HSPB8: variants seen among roughly 807,000 people sequenced by gnomAD.
HSPB8 encodes heat shock protein family B (small) member 8, also known as heat shock protein beta-8.
HSPB8 carries 9 observed loss-of-function variants against 16.5 expected under a neutral mutation model. The ratio of observed to expected loss-of-function variants is 0.55; its 90% CI spans 0.33 to 0.95. The LOEUF (loss-of-function observed/expected upper bound fraction) is 0.95, where lower values mean the gene tolerates loss of function less well. HSPB8 is among the 40% of genes least tolerant of loss of function. HSPB8 has a pLI of 0.03. For missense variants in HSPB8, 238 were observed against 251.2 expected, an observed-to-expected ratio of 0.95 and a Z score of 0.35; for synonymous variants, 99 against 94.8, an observed-to-expected ratio of 1.04 and a Z score of -0.26.
intron 2 of HSPB8, among the ~76,000 whole-genome samples, chr12:119,190,550 A>G (rs1388926456): frequency 6.6e-6 from 1 of 152,190 alleles, no homozygotes; most frequent in Non-Finnish European, 1.5e-5. Context: ...GGTTAGGGGA[A>G]ACCAAATTAC....
At chr12:119,186,937 C>T (rs1954679819) in intron 1 of HSPB8, 88 bp from the exon 2 acceptor site, 1 of 1,257,460 alleles carries the variant, frequency 8.0e-7, no homozygotes, top group East Asian at 2.3e-5. Flanking sequence ...CAAGGCAGGT[C>T]CAGGGCCAGG....
Position 119,193,901 on chromosome 12 carries a change from G to A in HSPB8, c.*43G>A, listed in dbSNP as rs376718066. The stretch of plus-strand genomic sequence containing the variant: ...ATCCTTGTTTTGTCCCCAACCCTAG[G>A]GCTTCTCTGATTCCAGGATACATTA... On this transcript the variant is annotated 3_prime_UTR_variant, in exon 3 of 3. Transcript: ENST00000281938. 5 of 1,601,570 alleles carry A rather than the reference G, an allele frequency of 3.1e-6. No homozygotes were observed. Among genetic ancestry groups the A allele is most frequent in the Admixed American group, 3.3e-5 (2 of 59,998 alleles).
In HSPB8 at chr12:119,179,554, T is replaced by C. The variant is rs1466796046; in HGVS notation, c.242T>C (p.Val81Ala). 6.2e-7 allele frequency: 1 copy of C among 1,613,222 alleles called. No individual in the cohort carries two copies. The highest frequency in any genetic ancestry group is 1.3e-5 in the African/African-American group (1 of 74,838). Residue 81 changes from valine (V) to alanine (A), a missense_variant, in exon 1 of 3, where the codon GTG (valine) becomes GCG (alanine). Transcript: ENST00000281938. ...CCCACTGCCACCGCCAGGTTTGGGGTGCCTGCCGAGGGCAGGACCCCCCCA... is the reference window on the plus strand; with the variant it reads ...CCCACTGCCACCGCCAGGTTTGGGGCGCCTGCCGAGGGCAGGACCCCCCCA... ...RGPTATARFG[V>A]PAEGRTPPPF...
In HSPB8 at chr12:119,179,120, T is replaced by C. The variant is rs11549401; in HGVS notation, c.-193T>C. 8.1e-3 allele frequency: 5,388 copies of C among 665,660 alleles called. 219 individuals carry two copies. In the African/African-American group the frequency reaches 0.085, roughly 11 times the overall value. 41.2% of individuals were successfully genotyped at this position (665,660 alleles called of 1,614,324 possible). A position where few individuals can be genotyped will look rare whatever the true frequency, so the allele number is the denominator to read the frequency against. On this transcript the variant is annotated 5_prime_UTR_variant, in exon 1 of 3. Coordinates refer to ENST00000281938, the MANE Select transcript of HSPB8 (RefSeq NM_014365.3). The stretch of plus-strand genomic sequence containing the variant: ...GCTGGATCTGCCCCGGGGGTTACCT[T>C]TGGGGGCTGGGACCCCAGTCGAGGG...
At chr12:119,189,302 G>GT (rs1555223133) in intron 2 of HSPB8, among the ~76,000 whole-genome samples, 1 of 143,304 alleles carries the variant, frequency 7.0e-6, no homozygotes, top group African/African-American at 2.6e-5. Context: ...TCTTAAAAGG[G>GT]GTGTGTGTGT....
Position 119,179,345 on chromosome 12 carries a change from C to T in HSPB8, c.33C>T (p.His11=), listed in dbSNP as rs1240484054. Residue 11 remains histidine (H), a synonymous_variant, in exon 1 of 3, where the codon CAC becomes CAT. Coordinates refer to ENST00000281938, the MANE Select transcript of HSPB8 (RefSeq NM_014365.3). The part of the protein sequence containing the change: MADGQMPFSC[H]YPSRLRRDPF... ...ACGGTCAGATGCCCTTCTCCTGCCA[C>T]TACCCAAGCCGCCTGCGCCGAGACC... The T allele has an allele frequency of 6.2e-7, 1 of 1,614,144 alleles. No homozygotes were observed. The highest frequency in any genetic ancestry group is 2.2e-5 in the East Asian group (1 of 44,866).
intron 1 of HSPB8, chr12:119,182,873 C>T (rs1219365400): frequency 6.6e-6 from 1 of 152,124 alleles, no homozygotes; most frequent in Non-Finnish European, 1.5e-5. Flanking sequence ...AAGTAACTCA[C>T]CTGAGATTAC....
intron 2 of HSPB8, among the ~76,000 whole-genome samples, chr12:119,189,302 GGTGTGTGTGTGTGTGTGTGTGT>G (rs60310566): frequency 2.2e-4 from 31 of 143,302 alleles, no homozygotes; most frequent in Admixed American, 1.4e-3. Flanking sequence ...TCTTAAAAGG[GGTGTGTGTGTGTGTGTGTGTGT>G]GTGTGTGTGT....
At position 119,179,385 on chromosome 12, in the gene HSPB8, C is replaced by T. The variant is rs1954620442; in HGVS notation, c.73C>T (p.Pro25Ser). Residue 25 changes from proline to serine, a missense_variant, in exon 1 of 3, where the codon CCC (proline) becomes TCC (serine). By Grantham distance (74) the Pro-to-Ser change is moderately conservative. Transcript: ENST00000281938. The stretch of plus-strand genomic sequence containing the variant: ...GCGCCGAGACCCCTTCCGGGACTCT[C>T]CCCTCTCCTCTCGCCTGCTGGATGA... ...RLRRDPFRDS[P>S]LSSRLLDDGF... is the part of the protein sequence containing the mutation. 7 of 1,614,132 alleles carry T rather than the reference C, an allele frequency of 4.3e-6. No homozygotes were observed. The highest frequency in any genetic ancestry group is 5.9e-6 in the Non-Finnish European group (7 of 1,180,014).
At chr12:119,187,408 G>T (rs1954683834) in intron 2 of HSPB8, among the ~76,000 whole-genome samples, 1 of 152,110 alleles carries the variant, frequency 6.6e-6, no homozygotes, top group Non-Finnish European at 1.5e-5. Context: ...AGTCTGGAGT[G>T]CAGCGGTGTG....
chr12:119,179,500 C>T lies in HSPB8; in HGVS notation c.188C>T (p.Thr63Ile), dbSNP rs771054805. The stretch of plus-strand genomic sequence containing the variant: ...CGTCTCTCCTCCGCCTGGCCAGGCA[C>T]CCTAAGGTCGGGCATGGTGCCCCGG... ...LPRLSSAWPG[T>I]LRSGMVPRGP... The change falls in exon 1 of 3, where the codon ACC (threonine) becomes ATC (isoleucine). Residue 63 changes from threonine (T) to isoleucine (I), a missense_variant. Coordinates refer to ENST00000281938, the MANE Select transcript of HSPB8 (RefSeq NM_014365.3). The T allele has an allele frequency of 1.2e-6, 2 of 1,614,070 alleles. No individual in the cohort carries two copies. The highest frequency in any genetic ancestry group is 1.6e-4 in the Middle Eastern group (1 of 6,062).
chr12:119,193,970 T>TGCG lies in HSPB8; in HGVS notation c.*114_*116dup. Reference sequence around the variant, plus strand: ...TTAGTGCAAGTAAAATGTTAGAGGGTGCGGGGGTGAGGACTGACCACAGAT... The same window carrying TGCG: ...TTAGTGCAAGTAAAATGTTAGAGGGTGCGGCGGGGGTGAGGACTGACCACAGAT... On this transcript the variant is annotated 3_prime_UTR_variant, in exon 3 of 3. Transcript: ENST00000281938. 1 of 1,218,096 alleles carries TGCG rather than the reference T, an allele frequency of 8.2e-7. No individual in the cohort carries two copies. 75.5% of individuals were successfully genotyped at this position (1,218,096 alleles called of 1,614,324 possible).
In HSPB8 at chr12:119,185,631, C is replaced by CTATTATTATTAT. The variant is rs56785067; in HGVS notation, c.368-1383_368-1372dup. On this transcript the variant is annotated intron_variant, in intron 1 of 2. Coordinates refer to ENST00000281938, the MANE Select transcript of HSPB8 (RefSeq NM_014365.3). ...ACAGGCATAAGTCACCACGCCCTGC[C>CTATTATTATTAT]TATTATTATTATTATTATTATTTTT... Among the ~76,000 whole-genome samples the CTATTATTATTAT allele has an allele frequency of 5.3e-5, 8 of 151,274 alleles. No individual in the cohort carries two copies. The South Asian group carries it at 8.4e-4, about 16-fold the overall frequency.
intron 2 of HSPB8, among the ~76,000 whole-genome samples, chr12:119,191,282 G>T (rs189361079): frequency 9.9e-5 from 15 of 152,216 alleles, no homozygotes; most frequent in African/African-American, 3.6e-4. Flanking sequence ...TTGAATGCAC[G>T]TCAGCCTGCC....
At chr12:119,193,567 C>G (rs1271250882) in intron 2 of HSPB8, 132 bp from the exon 3 acceptor site, 11 of 933,308 alleles carry the variant, frequency 1.2e-5, no homozygotes, top group Non-Finnish European at 1.9e-5. Context: ...GGGGTAGAGC[C>G]AGGATTCAAA....
intron 2 of HSPB8, among the ~76,000 whole-genome samples, chr12:119,189,021 C>T (rs1954694522): frequency 1.3e-5 from 2 of 152,214 alleles, no homozygotes; most frequent in Admixed American, 6.5e-5. Context: ...CTGGCCCTCC[C>T]ACAGCCTCTG....
chr12:119,185,793 C>G (rs1954672391), intron 1 of HSPB8, among the ~76,000 whole-genome samples: 1 of 152,150 alleles, frequency 6.6e-6, no homozygotes, highest in South Asian at 2.1e-4. Flanking sequence ...CATTTTCTAA[C>G]ATACACATGC....
rs1363010117 is a variant in HSPB8, at chr12:119,179,388, C to G, written c.76C>G (p.Leu26Val). The change falls in exon 1 of 3, where the codon CTC (leucine) becomes GTC (valine). Residue 26 changes from leucine (L) to valine (V), a missense_variant. By Grantham distance (32) the Leu-to-Val change is conservative. Coordinates refer to ENST00000281938, the MANE Select transcript of HSPB8 (RefSeq NM_014365.3). Reference protein sequence around the residue: ...LRRDPFRDSPLSSRLLDDGFG... With the variant: ...LRRDPFRDSPVSSRLLDDGFG... ...CCGAGACCCCTTCCGGGACTCTCCCCTCTCCTCTCGCCTGCTGGATGATGG... is the reference window on the plus strand; with the variant it reads ...CCGAGACCCCTTCCGGGACTCTCCCGTCTCCTCTCGCCTGCTGGATGATGG... 1 of 1,614,168 alleles carries G rather than the reference C, an allele frequency of 6.2e-7. No homozygotes were observed. Among genetic ancestry groups the G allele is most frequent in the Non-Finnish European group, 8.5e-7 (1 of 1,180,032 alleles).
intron 1 of HSPB8, among the ~76,000 whole-genome samples, chr12:119,185,567 C>T (rs753070948): frequency 5.9e-5 from 9 of 152,056 alleles, no homozygotes; most frequent in East Asian, 1.9e-4. Context: ...CTCTTGACCT[C>T]GTGATCCACC....
Sources: allele counts gnomAD v4.1 joint callset (sites outside exome capture counted in the v4.1 genomes callset), GRCh38; gene constraint gnomAD v4.1.1; transcripts MANE v1.5; gene names NCBI Gene and HGNC (gene_info 2026-07-23, HGNC 2026-07-21).